GSG1L: variants seen among roughly 807,000 people sequenced by gnomAD.
GSG1L encodes GSG1 like.
A neutral mutation model predicts 42.1 loss-of-function variants in GSG1L; 24 were observed. That is an observed-to-expected ratio of 0.57 (90% CI 0.41 to 0.80). The LOEUF is 0.80. GSG1L is among the 30% of genes least tolerant of loss of function. GSG1L has a pLI of 0.00. For missense variants in GSG1L, 445 were observed against 472.2 expected (o/e 0.94, Z 0.53); for synonymous variants, 215 against 203.5 (o/e 1.06, Z -0.48).
At chr16:27,804,336 AC>A (rs988372621) in intron 6 of GSG1L, among the ~76,000 whole-genome samples, 6 of 151,954 alleles carry the variant, frequency 3.9e-5, no homozygotes, top group African/African-American at 1.5e-4. Flanking sequence ...TGTCGGACAC[AC>A]AGGTCCCTCT....
chr16:27,980,026 C>T (rs1186823858), intron 1 of GSG1L, among the ~76,000 whole-genome samples: 2 of 152,100 alleles, frequency 1.3e-5, no homozygotes, highest in African/African-American at 4.8e-5. Flanking sequence ...GTCACTCCTC[C>T]CAAGGAGAGC....
intron 6 of GSG1L, among the ~76,000 whole-genome samples, chr16:27,792,124 G>A (rs555796454): frequency 1.6e-4 from 25 of 152,130 alleles, no homozygotes; most frequent in Admixed American, 4.6e-4. Context: ...TCATCCTGCA[G>A]CTGTCTCCCC....
chr16:28,003,803 G>A (rs75141201), intron 1 of GSG1L, among the ~76,000 whole-genome samples: 2,033 of 152,248 alleles, frequency 0.013, 23 homozygotes, highest in South Asian at 0.031. Flanking sequence ...AGGGTTCCTC[G>A]GACCTTAGGG....
chr16:27,797,113 T>A (rs1386685784), intron 6 of GSG1L, among the ~76,000 whole-genome samples: 1 of 152,214 alleles, frequency 6.6e-6, no homozygotes, highest in Non-Finnish European at 1.5e-5. Context: ...GAGGTCCAGA[T>A]AAATTAAGTC....
intron 1 of GSG1L, among the ~76,000 whole-genome samples, chr16:27,980,065 A>C (rs1360933777): frequency 6.6e-6 from 1 of 152,120 alleles, no homozygotes; most frequent in African/African-American, 2.4e-5. Flanking sequence ...CAGAAGCAGG[A>C]GGCTGTAATT....
intron 1 of GSG1L, among the ~76,000 whole-genome samples, chr16:28,029,560 G>C (rs867544534): frequency 5.2e-5 from 6 of 116,418 alleles, no homozygotes; most frequent in African/African-American, 1.8e-4. Context: ...TGGATGGATG[G>C]ATGCATGGGT....
intron 1 of GSG1L, among the ~76,000 whole-genome samples, chr16:28,047,636 A>G (rs964297628): frequency 1.3e-5 from 2 of 152,218 alleles, no homozygotes; most frequent in African/African-American, 4.8e-5. Context: ...CAAACGAAAG[A>G]AAGCAGGGAT....
At chr16:27,937,680 C>G (rs1185078026) in intron 2 of GSG1L, among the ~76,000 whole-genome samples, 2 of 152,210 alleles carry the variant, frequency 1.3e-5, no homozygotes. Flanking sequence ...TTGGCACCAT[C>G]GTTGAGTTGG....
chr16:27,880,522 T>C (rs576970064), intron 3 of GSG1L, among the ~76,000 whole-genome samples: 64 of 152,340 alleles, frequency 4.2e-4, no homozygotes, highest in South Asian at 8.3e-4. Context: ...CTGCATGACC[T>C]TGGGCAAGTC....
intron 2 of GSG1L, among the ~76,000 whole-genome samples, chr16:27,904,846 G>T (rs1428288103): frequency 6.6e-6 from 1 of 152,170 alleles, no homozygotes; most frequent in Non-Finnish European, 1.5e-5. Context: ...GTCAAGAAAA[G>T]CACAGAAAGT....
At chr16:28,025,490 A>C (rs1232780482) in intron 1 of GSG1L, among the ~76,000 whole-genome samples, 1 of 152,128 alleles carries the variant, frequency 6.6e-6, no homozygotes, top group East Asian at 1.9e-4. Flanking sequence ...TCACTGCTGG[A>C]TCAATTTCAC....
intron 2 of GSG1L, among the ~76,000 whole-genome samples, chr16:27,955,927 A>AGGG (rs398029130): frequency 7.2e-6 from 1 of 138,196 alleles, no homozygotes; most frequent in African/African-American, 3.4e-5. Flanking sequence ...GAAGGAAGGA[A>AGGG]AGAAGGAAGG....
chr16:27,810,293 A>G (rs2140946588), intron 5 of GSG1L, among the ~76,000 whole-genome samples: 1 of 152,244 alleles, frequency 6.6e-6, no homozygotes, highest in Middle Eastern at 3.4e-3. Context: ...AGCCTGGGCA[A>G]CATGGTGAAA....
chr16:27,888,477 T>TC (rs2084068704), intron 2 of GSG1L, among the ~76,000 whole-genome samples: 3 of 40,570 alleles, frequency 7.4e-5, no homozygotes, highest in African/African-American at 2.0e-4. Flanking sequence ...TCTCTCTCTC[T>TC]CTTTCCTTTC....
intron 3 of GSG1L, among the ~76,000 whole-genome samples, chr16:27,857,396 C>T (rs2083592499): frequency 6.7e-6 from 1 of 150,012 alleles, no homozygotes; most frequent in South Asian, 2.1e-4. Context: ...CCACTGCACT[C>T]CAGCCTGGGC....
chr16:28,057,206 C>T (rs944489262), intron 1 of GSG1L, among the ~76,000 whole-genome samples: 1 of 152,006 alleles, frequency 6.6e-6, no homozygotes, highest in African/African-American at 2.4e-5. Flanking sequence ...GGGGGTGATC[C>T]GCCTCAGATG....
intron 2 of GSG1L, among the ~76,000 whole-genome samples, chr16:27,915,781 T>C (rs1308580307): frequency 6.6e-6 from 1 of 152,156 alleles, no homozygotes; most frequent in Non-Finnish European, 1.5e-5. Flanking sequence ...AGTGGGACCA[T>C]GTCTCTAAAA....
intron 2 of GSG1L, among the ~76,000 whole-genome samples, chr16:27,915,140 T>C (rs1159662024): frequency 6.7e-6 from 1 of 150,282 alleles, no homozygotes; most frequent in Non-Finnish European, 1.5e-5. Flanking sequence ...GGCTGATGGA[T>C]GGGGCAACTC....
intron 3 of GSG1L, among the ~76,000 whole-genome samples, chr16:27,869,661 A>G (rs1335439221): frequency 3.3e-5 from 2 of 61,404 alleles, no homozygotes; most frequent in Middle Eastern, 0.013. Flanking sequence ...GTCTTCCTCC[A>G]TCTCTCTCTC....
Sources: allele counts gnomAD v4.1 joint callset (sites outside exome capture counted in the v4.1 genomes callset), GRCh38; gene constraint gnomAD v4.1.1; transcripts MANE v1.5; gene names NCBI Gene and HGNC (gene_info 2026-07-23, HGNC 2026-07-21).